ABCC4: variants seen among roughly 807,000 people sequenced by gnomAD.
ABCC4 encodes ATP binding cassette subfamily C member 4 (PEL blood group), also known as ATP-binding cassette sub-family C member 4.
ABCC4 carries 102 observed loss-of-function variants against 168.5 expected under a neutral mutation model. That is an observed-to-expected ratio of 0.61 (90% CI 0.52 to 0.71). ABCC4 has a LOEUF of 0.71. ABCC4 is among the 30% of genes least tolerant of loss of function. The probability of loss-of-function intolerance (pLI) is 0.00; values close to 1 mark genes in which losing one functional copy is unlikely to be tolerated. For synonymous variants in ABCC4, 617 were observed against 590.7 expected (o/e 1.04, Z -0.65); for missense variants, 1,402 against 1,605.8 (o/e 0.87, Z 2.17).
intron 1 of ABCC4, among the ~76,000 whole-genome samples, chr13:95,294,448 A>G (rs903252801): frequency 4.6e-5 from 7 of 152,206 alleles, no homozygotes; most frequent in African/African-American, 1.7e-4. Flanking sequence ...ACAACACCAT[A>G]CATTTACTCC....
At chr13:95,283,016 AC>A (rs1312691907) in intron 1 of ABCC4, among the ~76,000 whole-genome samples, 1 of 151,610 alleles carries the variant, frequency 6.6e-6, no homozygotes, top group Non-Finnish European at 1.5e-5. Context: ...AGGAATCAAG[AC>A]CATCCTGGTC....
chr13:95,290,121 T>TAGAC (rs2041357712), intron 1 of ABCC4, among the ~76,000 whole-genome samples: 1 of 150,754 alleles, frequency 6.6e-6, no homozygotes, highest in Non-Finnish European at 1.5e-5. Context: ...GATAGATAGA[T>TAGAC]AGATAGATAG....
intron 20 of ABCC4, among the ~76,000 whole-genome samples, chr13:95,094,860 C>T (rs1429823997): frequency 1.3e-5 from 2 of 151,914 alleles, no homozygotes; most frequent in African/African-American, 4.8e-5. Flanking sequence ...GGACTTAGGA[C>T]ATGAAGAGAA....
rs1453875924 is a variant in ABCC4, at chr13:95,209,526, C to T, written c.693G>A (p.Met231Ile). The change falls in exon 6 of 31, where the codon ATG becomes ATA. Residue 231 changes from methionine (M) to isoleucine (I), a missense_variant. Met to Ile is a conservative substitution (Grantham distance 10). Around this residue, in one of 3 missense-constraint regions of ABCC4, gnomAD observed 317 missense variants for 345.5 expected, o/e 0.92. Transcript: ENST00000645237. Reference sequence around the variant, plus strand: ...CAGCAAGGCACGATATTCCTATCTCCATCCAGAGTAGGGCAGTCACTGCAA... The same window carrying T: ...CAGCAAGGCACGATATTCCTATCTCTATCCAGAGTAGGGCAGTCACTGCAA... ...QAIAVTALLW[M>I]EIGISCLAGM... 1.2e-6 allele frequency: 2 copies of T among 1,614,152 alleles called. No individual in the cohort carries two copies. Among genetic ancestry groups the T allele is most frequent in the Admixed American group, 1.7e-5 (1 of 60,030 alleles).
rs753798410 is a variant in ABCC4 at position 95,083,257 on chromosome 13, C to G, written c.2569G>C (p.Ala857Pro). 6.2e-7 allele frequency: 1 copy of G among 1,614,026 alleles called. No individual in the cohort carries two copies. The highest frequency in any genetic ancestry group is 8.5e-7 in the Non-Finnish European group (1 of 1,179,954). Residue 857 changes from alanine to proline, a missense_variant, in exon 21 of 31, where the codon GCT becomes CCT. This residue lies in a region of ABCC4 where 1,007 missense variants were observed against 1,127.3 expected (regional missense o/e 0.89). Transcript: ENST00000645237. ...LLQVVGVVSVAVAVIPWIAIP... is the reference protein window; with the variant it reads ...LLQVVGVVSVPVAVIPWIAIP... ...GCGATCCAAGGAATCACGGCCACAG[C>G]CACAGAGACCACACCAACCACTTGT...
intron 16 of ABCC4, among the ~76,000 whole-genome samples, chr13:95,164,054 A>AAAAGAAAGAAAGAAAGAAAGAAAG (rs781636269): frequency 2.9e-5 from 4 of 139,008 alleles, no homozygotes; most frequent in African/African-American, 8.3e-5. Flanking sequence ...AAAAAAAAAA[A>AAAAGAAAGAAAGAAAGAAAGAAAG]AAAGAAAGAA....
chr13:95,112,935 A>C (rs991465029), intron 20 of ABCC4, among the ~76,000 whole-genome samples: 3 of 152,192 alleles, frequency 2.0e-5, no homozygotes, highest in African/African-American at 7.2e-5. Context: ...TTAAACACAA[A>C]GTCATCCAGG....
chr13:95,183,352 T>C (rs2037959574), intron 11 of ABCC4, among the ~76,000 whole-genome samples: 1 of 152,180 alleles, frequency 6.6e-6, no homozygotes, highest in Non-Finnish European at 1.5e-5. Context: ...ATGCAATCTC[T>C]GTACCTACAA....
At chr13:95,031,990 TC>T (rs1375192863) in intron 30 of ABCC4, among the ~76,000 whole-genome samples, 7 of 152,228 alleles carry the variant, frequency 4.6e-5, no homozygotes, top group Non-Finnish European at 5.9e-5. Flanking sequence ...TTTTTGAGGT[TC>T]CTGGCTCTTT....
At position 95,247,112 on chromosome 13, in the gene ABCC4, G is replaced by A. The variant is rs2040126374; in HGVS notation, c.186-17C>T. On this transcript the variant is annotated splice_polypyrimidine_tract_variant and intron_variant, in intron 2 of 30. Coordinates refer to ENST00000645237, the MANE Select transcript of ABCC4 (RefSeq NM_005845.5). The stretch of plus-strand genomic sequence containing the variant: ...TCCCAGAACCTACAATGAGGAAAAA[G>A]CTTCGTAAATAAGAGTGAACCCTGC... 6.2e-7 allele frequency: 1 copy of A among 1,606,608 alleles called. No individual in the cohort carries two copies. Among genetic ancestry groups the A allele is most frequent in the Non-Finnish European group, 8.5e-7 (1 of 1,178,164 alleles).
At chr13:95,278,103 T>C (rs892187284) in intron 1 of ABCC4, among the ~76,000 whole-genome samples, 1 of 148,344 alleles carries the variant, frequency 6.7e-6, no homozygotes, top group African/African-American at 2.5e-5. Flanking sequence ...TGTTCTTATG[T>C]ATAAAGCACA....
At chr13:95,244,670 A>AAATAAATAAATCAATC (rs1555336345) in intron 3 of ABCC4, among the ~76,000 whole-genome samples, 6 of 106,460 alleles carry the variant, frequency 5.6e-5, no homozygotes, top group East Asian at 2.5e-4. Context: ...AGAAAGAAAG[A>AAATAAATAAATCAATC]AATCATAGCA....
At chr13:95,274,135 A>G (rs909038795) in intron 1 of ABCC4, among the ~76,000 whole-genome samples, 1 of 152,122 alleles carries the variant, frequency 6.6e-6, no homozygotes, top group African/African-American at 2.4e-5. Context: ...TACAACTAAC[A>G]AGCCTGCTTT....
intron 19 of ABCC4, among the ~76,000 whole-genome samples, chr13:95,138,552 G>A (rs1258015281): frequency 2.6e-5 from 4 of 152,112 alleles, no homozygotes; most frequent in Non-Finnish European, 5.9e-5. Context: ...GGCCAGGCAC[G>A]ATGGCTCATG....
chr13:95,203,854 A>C (rs1031172901), intron 8 of ABCC4, among the ~76,000 whole-genome samples: 1 of 152,150 alleles, frequency 6.6e-6, no homozygotes, highest in Non-Finnish European at 1.5e-5. Context: ...GTGTTCTGGG[A>C]ATATTCAACT....
chr13:95,096,255 A>G (rs1479102885), intron 20 of ABCC4: 13 of 530,436 alleles, frequency 2.5e-5, no homozygotes, highest in Non-Finnish European at 4.3e-5. Flanking sequence ...ATGACCCTAA[A>G]GACAGAGCAA....
At chr13:95,143,483 A>G (rs1027504859) in intron 19 of ABCC4, among the ~76,000 whole-genome samples, 2 of 152,228 alleles carry the variant, frequency 1.3e-5, no homozygotes, top group Non-Finnish European at 2.9e-5. Flanking sequence ...TCTAATTTGG[A>G]AGGATTTGAG....
chr13:95,023,700 C>G (rs948060976), intron 30 of ABCC4, among the ~76,000 whole-genome samples: 1 of 152,148 alleles, frequency 6.6e-6, no homozygotes, highest in Non-Finnish European at 1.5e-5. Flanking sequence ...AGAAGTGGCC[C>G]CTAAGCACAC....
At chr13:95,202,644 C>CTTTTTTTTTT (rs10603210) in intron 8 of ABCC4, among the ~76,000 whole-genome samples, 1 of 93,068 alleles carries the variant, frequency 1.1e-5, no homozygotes, top group Non-Finnish European at 2.1e-5. Flanking sequence ...AGAATGTGCA[C>CTTTTTTTTTT]TTTTTTTTTT....
Sources: gnomAD v4.1 joint callset for allele counts (sites outside exome capture counted in the v4.1 genomes callset) on GRCh38, gnomAD v4.1.1 for gene constraint, gnomAD v4.1.1 regional missense constraint, MANE v1.5 for transcripts, NCBI Gene and HGNC (gene_info 2026-07-23, HGNC 2026-07-21) for gene names.